The following SERGEF variants were observed in gnomAD, a reference collection of about 807,000 sequenced individuals.
SERGEF encodes secretion-regulating guanine nucleotide exchange factor.
In SERGEF, 51 loss-of-function variants were observed where a neutral mutation model predicts 50.0. The ratio of observed to expected loss-of-function variants is 1.02; its 90% CI spans 0.81 to 1.29. The LOEUF is 1.29. Ranked by LOEUF, SERGEF falls within the 50% of genes most tolerant of loss-of-function variation. SERGEF has a pLI of 0.00. For missense variants in SERGEF, 521 were observed against 557.0 expected (o/e 0.94, Z 0.65); for synonymous variants, 205 against 212.4 (o/e 0.97, Z 0.30).
At chr11:17,846,660 T>C (rs553339206) in intron 10 of SERGEF, 7 of 455,774 alleles carry the variant, frequency 1.5e-5, no homozygotes, top group Non-Finnish European at 2.6e-5. Flanking sequence ...AATGGCTCCA[T>C]GACACATGAA....
At chr11:17,861,543 A>C (rs1199612635) in intron 10 of SERGEF, among the ~76,000 whole-genome samples, 2 of 152,232 alleles carry the variant, frequency 1.3e-5, no homozygotes, top group African/African-American at 4.8e-5. Flanking sequence ...TTCTCTGAGA[A>C]CTTCAGAGTT....
At chr11:18,003,469 T>C (rs905026624) in intron 4 of SERGEF, among the ~76,000 whole-genome samples, 2 of 152,160 alleles carry the variant, frequency 1.3e-5, no homozygotes, top group African/African-American at 2.4e-5. Context: ...AACTGAGACA[T>C]ATTGTAAGTA....
chr11:17,949,956 G>C (rs1183284547), intron 9 of SERGEF, among the ~76,000 whole-genome samples: 1 of 152,210 alleles, frequency 6.6e-6, no homozygotes, highest in African/African-American at 2.4e-5. Flanking sequence ...AAGGGAAGCA[G>C]AACCAGCATG....
At chr11:17,850,206 C>T (rs1850687577) in intron 10 of SERGEF, among the ~76,000 whole-genome samples, 1 of 152,178 alleles carries the variant, frequency 6.6e-6, no homozygotes, top group Non-Finnish European at 1.5e-5. Flanking sequence ...TCCCCCATGA[C>T]CCAATCAGCT....
chr11:17,822,386 G>A (rs1850101561), intron 10 of SERGEF, among the ~76,000 whole-genome samples: 1 of 152,150 alleles, frequency 6.6e-6, no homozygotes, highest in African/African-American at 2.4e-5. Context: ...CTAAATTCAA[G>A]GGGGAAAAAT....
chr11:17,873,998 A>T (rs1590169972), intron 10 of SERGEF, among the ~76,000 whole-genome samples: 1 of 152,298 alleles, frequency 6.6e-6, no homozygotes, highest in Non-Finnish European at 1.5e-5. Context: ...GGATCTGGGG[A>T]CCCTGCCTCT....
At chr11:17,889,567 G>A (rs78296552) in intron 9 of SERGEF, among the ~76,000 whole-genome samples, 3,213 of 152,170 alleles carry the variant, frequency 0.021, 168 homozygotes, top group East Asian at 0.2. Context: ...GGAGGCAAGG[G>A]GACATGACAA....
At chr11:17,892,676 C>T (rs1357293773) in intron 9 of SERGEF, among the ~76,000 whole-genome samples, 2 of 152,190 alleles carry the variant, frequency 1.3e-5, no homozygotes, top group African/African-American at 2.4e-5. Context: ...TAGCACTGAG[C>T]GGTTTCCAAG....
chr11:17,976,203 G>A (rs1290219955), intron 8 of SERGEF, among the ~76,000 whole-genome samples: 2 of 152,160 alleles, frequency 1.3e-5, no homozygotes, highest in African/African-American at 4.8e-5. Flanking sequence ...TTGGGCAAGA[G>A]TTGATTCCTC....
intron 10 of SERGEF, among the ~76,000 whole-genome samples, chr11:17,833,870 G>C (rs927838482): frequency 2.6e-5 from 4 of 152,178 alleles, no homozygotes; most frequent in Non-Finnish European, 5.9e-5. Context: ...ATGGTATCCA[G>C]GAAGTAACTA....
chr11:17,831,038 G>A (rs1425600381), intron 10 of SERGEF, among the ~76,000 whole-genome samples: 3 of 152,004 alleles, frequency 2.0e-5, no homozygotes, highest in Non-Finnish European at 4.4e-5. Flanking sequence ...TATTTTCACG[G>A]TAAACTGAAT....
intron 10 of SERGEF, among the ~76,000 whole-genome samples, chr11:17,806,653 G>C: frequency 6.6e-6 from 1 of 152,084 alleles, no homozygotes; most frequent in Non-Finnish European, 1.5e-5. Flanking sequence ...TATTCTAATG[G>C]GCACGAGAAA....
intron 9 of SERGEF, among the ~76,000 whole-genome samples, chr11:17,918,470 C>G (rs1852088361): frequency 6.6e-6 from 1 of 152,182 alleles, no homozygotes; most frequent in Non-Finnish European, 1.5e-5. Context: ...AGGCAAATCC[C>G]TCCCCAGATG....
chr11:17,865,587 G>A (rs1171716805), intron 10 of SERGEF, among the ~76,000 whole-genome samples: 1 of 151,802 alleles, frequency 6.6e-6, no homozygotes, highest in Non-Finnish European at 1.5e-5. Flanking sequence ...GCTAATGTGT[G>A]TGTTTGTGTT....
intron 8 of SERGEF, among the ~76,000 whole-genome samples, chr11:17,975,881 T>C (rs1853361776): frequency 6.6e-6 from 1 of 152,180 alleles, no homozygotes; most frequent in African/African-American, 2.4e-5. Flanking sequence ...CCCACTTCTA[T>C]AGATTTTTTC....
intron 9 of SERGEF, among the ~76,000 whole-genome samples, chr11:17,933,255 T>G (rs1207453479): frequency 6.6e-6 from 1 of 152,208 alleles, no homozygotes; most frequent in African/African-American, 2.4e-5. Context: ...TCTTTCATTT[T>G]AAATGGAGGT....
At chr11:17,941,287 T>C (rs919366294) in intron 9 of SERGEF, among the ~76,000 whole-genome samples, 1 of 152,190 alleles carries the variant, frequency 6.6e-6, no homozygotes, top group African/African-American at 2.4e-5. Flanking sequence ...GTGTGAAGTA[T>C]ATTCGCATTG....
chr11:17,925,387 G>T (rs1389475842), intron 9 of SERGEF, among the ~76,000 whole-genome samples: 1 of 152,132 alleles, frequency 6.6e-6, no homozygotes, highest in Admixed American at 6.5e-5. Context: ...ACTGCAGGGT[G>T]AAAGGGACTG....
intron 9 of SERGEF, among the ~76,000 whole-genome samples, chr11:17,922,190 A>T (rs1226354139): frequency 2.6e-5 from 4 of 152,140 alleles, no homozygotes; most frequent in Admixed American, 2.6e-4. Context: ...CACACAGAAA[A>T]CCACTCCTGT....
Sources: gnomAD v4.1 joint callset for allele counts (sites outside exome capture counted in the v4.1 genomes callset) on GRCh38, gnomAD v4.1.1 for gene constraint, MANE v1.5 for transcripts, NCBI Gene and HGNC (gene_info 2026-07-23, HGNC 2026-07-21) for gene names.